CEP164: variants seen among roughly 807,000 people sequenced by gnomAD.
The protein encoded by CEP164 is centrosomal protein 164.
A neutral mutation model predicts 182.7 loss-of-function variants in CEP164; 162 were observed. The ratio of observed to expected loss-of-function variants is 0.89; its 90% CI spans 0.78 to 1.01. The LOEUF (loss-of-function observed/expected upper bound fraction) is 1.01. Ranked by LOEUF, CEP164 falls within the 50% of genes least tolerant of loss-of-function variation. The pLI is 0.00. For missense variants in CEP164, 1,735 were observed against 1,790.4 expected (o/e 0.97, Z 0.56); for synonymous variants, 661 against 690.0 (o/e 0.96, Z 0.66).
chr11:117,339,351 A>G (rs2037718182), intron 3 of CEP164, among the ~76,000 whole-genome samples: 1 of 152,162 alleles, frequency 6.6e-6, no homozygotes, highest in Non-Finnish European at 1.5e-5. Flanking sequence ...ATCTAAATAC[A>G]GTGTGTTCTG....
chr11:117,333,844 G>A (rs560733628), intron 1 of CEP164, among the ~76,000 whole-genome samples: 1 of 152,284 alleles, frequency 6.6e-6, no homozygotes, highest in African/African-American at 2.4e-5. Context: ...CCCTAGTTCT[G>A]TTATGATAAA....
At chr11:117,370,925 A>T (rs2042139254) in intron 8 of CEP164, among the ~76,000 whole-genome samples, 155 bp from the exon 9 acceptor site, 1 of 152,182 alleles carries the variant, frequency 6.6e-6, no homozygotes, top group African/African-American at 2.4e-5. Flanking sequence ...AAATAAAAAA[A>T]AAAATTAACA....
At chr11:117,405,577 G>A (rs901248592) in intron 27 of CEP164, among the ~76,000 whole-genome samples, 1 of 152,216 alleles carries the variant, frequency 6.6e-6, no homozygotes, top group Non-Finnish European at 1.5e-5. Flanking sequence ...GGGAGCTGCA[G>A]ACTGGAGCTG....
chr11:117,377,815 G>T (rs1296051835), intron 11 of CEP164, among the ~76,000 whole-genome samples: 2 of 152,032 alleles, frequency 1.3e-5, no homozygotes, highest in Non-Finnish European at 2.9e-5. Flanking sequence ...CACAAAAAAC[G>T]ATTATAATGA....
rs1337660481 is a variant in CEP164, at chr11:117,344,129, A to T, written c.83-37A>T. The T allele has an allele frequency of 5.7e-6, 7 of 1,238,600 alleles. No individual in the cohort carries two copies. The Admixed American group carries it at 9.0e-5, about 16-fold the overall frequency. The allele number at this position is 1,238,600 out of a possible 1,614,324, so 76.7% of individuals were successfully genotyped here. ...GATTGTGAGTTTTTTTCTTCTTTTC[A>T]TCTCTCTTACTTTCCCACCTCTGCC... is the stretch of plus-strand genomic sequence containing the variant. On this transcript the variant is annotated intron_variant, in intron 3 of 32. Coordinates refer to ENST00000278935, the MANE Select transcript of CEP164 (RefSeq NM_014956.5).
At chr11:117,348,004 C>G (rs1313703115) in intron 4 of CEP164, among the ~76,000 whole-genome samples, 2 of 152,016 alleles carry the variant, frequency 1.3e-5, no homozygotes, top group Non-Finnish European at 2.9e-5. Flanking sequence ...GAGTCTTGCT[C>G]TGTCGCCCAG....
At chr11:117,355,286 G>C in intron 5 of CEP164, 1 of 1,289,828 alleles carries the variant, frequency 7.8e-7, no homozygotes, top group Non-Finnish European at 1.0e-6. Context: ...AATCTACCTG[G>C]GGTTTTCAGA....
chr11:117,346,523 C>T (rs2038921661), intron 4 of CEP164, among the ~76,000 whole-genome samples: 2 of 151,628 alleles, frequency 1.3e-5, no homozygotes, highest in African/African-American at 2.4e-5. Context: ...TCCCAAAGTG[C>T]TGGGATTACA....
chr11:117,330,111 C>T (rs1454965070), intron 1 of CEP164, among the ~76,000 whole-genome samples: 4 of 152,134 alleles, frequency 2.6e-5, no homozygotes, highest in African/African-American at 9.7e-5. Flanking sequence ...CTGGGGATCA[C>T]CTGCTTATCC....
Position 117,375,697 on chromosome 11 carries a change from A to G in CEP164, c.1234-11A>G, listed in dbSNP as rs1191197080. ...AGGCAGAGTTGACCTTTGCATCTCC[A>G]CTGTCTCCAGGACTTCGGTTTTCGC... is the stretch of plus-strand genomic sequence containing the variant. On this transcript the variant is annotated splice_polypyrimidine_tract_variant and intron_variant, in intron 10 of 32. Coordinates refer to ENST00000278935, the MANE Select transcript of CEP164 (RefSeq NM_014956.5). 2 of 1,613,712 alleles carry G rather than the reference A, an allele frequency of 1.2e-6. No homozygotes were observed. Among genetic ancestry groups the G allele is most frequent in the Non-Finnish European group, 1.7e-6 (2 of 1,179,670 alleles).
At chr11:117,376,737 T>G (rs557251532) in intron 11 of CEP164, among the ~76,000 whole-genome samples, 2 of 152,248 alleles carry the variant, frequency 1.3e-5, no homozygotes, top group Non-Finnish European at 2.9e-5. Context: ...TGGGCCACTG[T>G]CCAGCTACCA....
In CEP164 at chr11:117,366,186, G is replaced by T. The variant is rs1344642716; in HGVS notation, c.765+2680G>T. 7.9e-5 allele frequency among the ~76,000 whole-genome samples: 12 copies of T among 152,164 alleles called. No individual in the cohort carries two copies. The East Asian group carries it at 1.2e-3, about 15-fold the overall frequency. On this transcript the variant is annotated intron_variant, in intron 8 of 32. Transcript: ENST00000278935. ...AATGGGGGGTTTCAGGATAGCCAGT[G>T]CTGCCTCTGCTTGGTCCCTGCTCTT... is the stretch of plus-strand genomic sequence containing the variant.
chr11:117,352,113 G>A lies in CEP164; in HGVS notation c.393+125G>A, dbSNP rs111820395. ...GTCAGAATATGGTAAATTCTTGATA[G>A]TATATCATCTAAACTTTGCCTGTCT... On this transcript the variant is annotated intron_variant, in intron 5 of 32. Transcript: ENST00000278935. The A allele has an allele frequency of 6.5e-3, 5,155 of 791,922 alleles. 115 individuals carry two copies. The highest frequency in any genetic ancestry group is 0.043 in the South Asian group (2,270 of 53,394). 49.1% of individuals were successfully genotyped at this position (791,922 alleles called of 1,614,324 possible). A position where few individuals can be genotyped will look rare whatever the true frequency, so the allele number is the denominator to read the frequency against.
intron 27 of CEP164, among the ~76,000 whole-genome samples, chr11:117,400,084 G>A (rs910855193): frequency 2.0e-5 from 3 of 152,150 alleles, no homozygotes; most frequent in African/African-American, 7.2e-5. Context: ...GAATGGTATT[G>A]CCTAGGTTTC....
intron 17 of CEP164, among the ~76,000 whole-genome samples, chr11:117,391,756 GT>G (rs1696238563): frequency 1.3e-5 from 2 of 152,172 alleles, no homozygotes; most frequent in African/African-American, 4.8e-5. Flanking sequence ...GCTTCTGAAG[GT>G]TTTAGCACAG....
chr11:117,372,885 A>G (rs1565516315), intron 9 of CEP164, among the ~76,000 whole-genome samples: 1 of 152,100 alleles, frequency 6.6e-6, no homozygotes, highest in East Asian at 1.9e-4. Flanking sequence ...TGACAAGAAG[A>G]CCCTTCTCGT....
chr11:117,395,448 G>T, intron 23 of CEP164, 99 bp from the exon 24 acceptor site: 1 of 1,334,368 alleles, frequency 7.5e-7, no homozygotes, highest in Non-Finnish European at 1.0e-6. Flanking sequence ...TTCATTCCCA[G>T]CCTGTCCTCC....
At chr11:117,326,246 C>T (rs1015012023), upstream of CEP164, among the ~76,000 whole-genome samples, 4 of 150,808 alleles carry the variant, frequency 2.7e-5, no homozygotes, top group South Asian at 2.1e-4. Context: ...TTTTTTTAGA[C>T]GGAGTCTTGC....
chr11:117,407,877 G>C, intron 27 of CEP164, 48 bp from the exon 28 acceptor site: 9 of 1,418,686 alleles, frequency 6.3e-6, no homozygotes, highest in Non-Finnish European at 8.8e-6. Flanking sequence ...TGGGACTCCA[G>C]CGTCTGTGTG....
Sources: allele counts gnomAD v4.1 joint callset (sites outside exome capture counted in the v4.1 genomes callset), GRCh38; gene constraint gnomAD v4.1.1; transcripts MANE v1.5; gene names NCBI Gene and HGNC (gene_info 2026-07-23, HGNC 2026-07-21).